The following ALCAM variants were observed in gnomAD, a reference collection of about 807,000 sequenced individuals.
ALCAM encodes activated leukocyte cell adhesion molecule.
ALCAM carries 30 observed loss-of-function variants against 70.9 expected under a neutral mutation model. That is an observed-to-expected ratio of 0.42 (90% CI 0.32 to 0.57). The LOEUF (loss-of-function observed/expected upper bound fraction) is 0.57, where lower values mean the gene tolerates loss of function less well. ALCAM is among the 20% of genes least tolerant of loss of function. ALCAM has a pLI of 0.11. For synonymous variants in ALCAM, 249 were observed against 242.5 expected (o/e 1.03, Z -0.25); for missense variants, 591 against 695.1 (o/e 0.85, Z 1.68).
intron 1 of ALCAM, 46 bp from the exon 2 acceptor site, chr3:105,520,021 T>A: frequency 7.7e-7 from 1 of 1,290,764 alleles, no homozygotes; most frequent in Non-Finnish European, 1.1e-6. Flanking sequence ...TAAAATTTTG[T>A]TCTCTCTCTC....
chr3:105,501,546 A>C (rs1368117270), intron 1 of ALCAM, among the ~76,000 whole-genome samples: 1 of 152,186 alleles, frequency 6.6e-6, no homozygotes, highest in Non-Finnish European at 1.5e-5. Context: ...AAATAATTTA[A>C]AAATAAAAAT....
chr3:105,435,877 G>A (rs1034078008), intron 1 of ALCAM, among the ~76,000 whole-genome samples: 1 of 151,850 alleles, frequency 6.6e-6, no homozygotes, highest in Non-Finnish European at 1.5e-5. Flanking sequence ...TGCAAGCTCC[G>A]CCTCCCGGGT....
intron 1 of ALCAM, among the ~76,000 whole-genome samples, chr3:105,426,638 G>A (rs1936797645): frequency 6.6e-6 from 1 of 151,792 alleles, no homozygotes. Context: ...TGTACTCGTT[G>A]ACAAATATCT....
chr3:105,511,666 T>C (rs376355412), intron 1 of ALCAM, among the ~76,000 whole-genome samples: 2 of 152,074 alleles, frequency 1.3e-5, no homozygotes, highest in South Asian at 4.1e-4. Context: ...TTTTAACCTT[T>C]ACTACTTACC....
At chr3:105,410,760 A>C (rs1304736665) in intron 1 of ALCAM, among the ~76,000 whole-genome samples, 1 of 152,032 alleles carries the variant, frequency 6.6e-6, no homozygotes, top group Non-Finnish European at 1.5e-5. Flanking sequence ...ATCTGTGAAA[A>C]AATGTTTGAT....
intron 1 of ALCAM, among the ~76,000 whole-genome samples, chr3:105,471,975 A>G (rs1371676941): frequency 2.0e-5 from 3 of 151,412 alleles, no homozygotes; most frequent in Non-Finnish European, 4.4e-5. Flanking sequence ...AGCCTCTGGT[A>G]ACCACCATTC....
At chr3:105,461,166 T>G (rs1485343607) in intron 1 of ALCAM, among the ~76,000 whole-genome samples, 1 of 151,810 alleles carries the variant, frequency 6.6e-6, no homozygotes, top group African/African-American at 2.4e-5. Context: ...TAGGAATATG[T>G]GGCTGGACAA....
chr3:105,538,424 T>G (rs966943214), intron 6 of ALCAM, among the ~76,000 whole-genome samples: 3 of 152,148 alleles, frequency 2.0e-5, no homozygotes, highest in African/African-American at 7.2e-5. Flanking sequence ...AAGGGATCCT[T>G]AACTTTGAGG....
chr3:105,528,874 C>G (rs1287643608), intron 3 of ALCAM, among the ~76,000 whole-genome samples: 1 of 152,162 alleles, frequency 6.6e-6, no homozygotes, highest in East Asian at 1.9e-4. Flanking sequence ...TACCCCTGAG[C>G]TTAAAACAAA....
intron 1 of ALCAM, among the ~76,000 whole-genome samples, chr3:105,449,619 C>A (rs979050977): frequency 2.0e-5 from 3 of 152,186 alleles, no homozygotes; most frequent in Non-Finnish European, 4.4e-5. Flanking sequence ...TGCACTACCA[C>A]CCTATTCATC....
chr3:105,370,909 A>T (rs970237641), intron 1 of ALCAM, among the ~76,000 whole-genome samples: 6 of 152,198 alleles, frequency 3.9e-5, no homozygotes, highest in African/African-American at 1.4e-4. Context: ...ATTATGGTTT[A>T]TGCTTAAATA....
At chr3:105,446,228 C>T (rs144637085) in intron 1 of ALCAM, among the ~76,000 whole-genome samples, 137 of 152,178 alleles carry the variant, frequency 9.0e-4, no homozygotes, top group East Asian at 7.0e-3. Flanking sequence ...AAAAAATGCT[C>T]ATTATCACTA....
At chr3:105,555,476 C>T (rs949701429) in intron 14 of ALCAM, among the ~76,000 whole-genome samples, 1 of 151,990 alleles carries the variant, frequency 6.6e-6, no homozygotes, top group African/African-American at 2.4e-5. Flanking sequence ...TCAAGCTGCT[C>T]ATGCAGAGTA....
intron 1 of ALCAM, among the ~76,000 whole-genome samples, chr3:105,498,875 A>G (rs1938841172): frequency 6.6e-6 from 1 of 152,362 alleles, no homozygotes; most frequent in African/African-American, 2.4e-5. Flanking sequence ...CAATGCCTTT[A>G]GTATTTTTTC....
chr3:105,545,028 T>C (rs926227306), intron 8 of ALCAM, 195 bp from the exon 9 acceptor site: 13 of 517,222 alleles, frequency 2.5e-5, no homozygotes, highest in African/African-American at 2.3e-4. Context: ...CTCTCTTGTC[T>C]AAACTAGTCT....
chr3:105,436,369 G>C (rs1230534338), intron 1 of ALCAM, among the ~76,000 whole-genome samples: 2 of 152,066 alleles, frequency 1.3e-5, no homozygotes, highest in Non-Finnish European at 2.9e-5. Context: ...TTGAGACGGA[G>C]TCTCACTGTG....
intron 14 of ALCAM, among the ~76,000 whole-genome samples, chr3:105,562,596 G>C (rs9870312): frequency 0.083 from 12,621 of 151,864 alleles, 666 homozygotes; most frequent in Non-Finnish European, 0.12. Context: ...CTGTAATTTT[G>C]TTTTCTTATA....
chr3:105,525,649 A>G (rs774448276), intron 3 of ALCAM, among the ~76,000 whole-genome samples: 3 of 152,180 alleles, frequency 2.0e-5, no homozygotes, highest in Non-Finnish European at 4.4e-5. Flanking sequence ...GTAATAGCCT[A>G]TGCAACTAAG....
chr3:105,383,909 TA>T (rs1262851021), intron 1 of ALCAM, among the ~76,000 whole-genome samples: 93 of 151,740 alleles, frequency 6.1e-4, no homozygotes, highest in African/African-American at 2.1e-3. Flanking sequence ...CTTCTATTTT[TA>T]ATTAATAGAT....
Sources: allele counts gnomAD v4.1 joint callset (sites outside exome capture counted in the v4.1 genomes callset), GRCh38; gene constraint gnomAD v4.1.1; transcripts MANE v1.5; gene names NCBI Gene and HGNC (gene_info 2026-07-23, HGNC 2026-07-21).